The following UMODL1 variants were observed in gnomAD, a reference collection of about 807,000 sequenced individuals.
UMODL1 encodes the protein uromodulin-like 1.
A neutral mutation model predicts 136.3 loss-of-function variants in UMODL1; 128 were observed. The observed-to-expected ratio is 0.94, with a 90% confidence interval of 0.81 to 1.09. The LOEUF (loss-of-function observed/expected upper bound fraction) is 1.09, where lower values mean the gene tolerates loss of function less well. Among genes scored for constraint, UMODL1 ranks in the 50% least tolerant of loss-of-function variants. The pLI, the probability that UMODL1 is intolerant of heterozygous loss-of-function variation, is 0.00. For missense variants in UMODL1, 1,766 were observed against 1,725.6 expected (o/e 1.02, Z -0.41); for synonymous variants, 721 against 720.0 (o/e 1.00, Z -0.02).
chr21:42,093,756 G>A (rs1306402583), intron 6 of UMODL1: 1 of 390,318 alleles, frequency 2.6e-6, no homozygotes, highest in Non-Finnish European at 5.2e-6. Context: ...ACGTTTCCTG[G>A]ATCAATCACG....
chr21:42,130,214 A>G (rs1012597894), intron 21 of UMODL1, among the ~76,000 whole-genome samples: 1 of 133,692 alleles, frequency 7.5e-6, no homozygotes, highest in Admixed American at 7.6e-5. Flanking sequence ...TAATCAGGCC[A>G]TGTCAACGTG....
At chr21:42,139,150 T>G (rs1208818424) in intron 22 of UMODL1, among the ~76,000 whole-genome samples, 2 of 152,130 alleles carry the variant, frequency 1.3e-5, no homozygotes, top group Non-Finnish European at 2.9e-5. Flanking sequence ...AGGGGAACCC[T>G]GCCTCAAAAA....
chr21:42,075,483 A>T (rs1208218169), intron 1 of UMODL1, among the ~76,000 whole-genome samples: 1 of 152,220 alleles, frequency 6.6e-6, no homozygotes, highest in Non-Finnish European at 1.5e-5. Flanking sequence ...CGTCATTGTC[A>T]TGTCCTGGCC....
At chr21:42,087,072 C>T (rs755765853) in intron 4 of UMODL1, among the ~76,000 whole-genome samples, 2 of 152,226 alleles carry the variant, frequency 1.3e-5, no homozygotes, top group African/African-American at 2.4e-5. Flanking sequence ...TCCTGAGCTT[C>T]CTGATGCGTG....
intron 22 of UMODL1, among the ~76,000 whole-genome samples, chr21:42,138,773 C>T (rs2067242118): frequency 6.6e-6 from 1 of 152,152 alleles, no homozygotes; most frequent in Non-Finnish European, 1.5e-5. Context: ...CAGGGTTTCT[C>T]CATGTTGGTC....
chr21:42,105,719 G>A (rs1192680221), intron 9 of UMODL1, among the ~76,000 whole-genome samples: 1 of 152,202 alleles, frequency 6.6e-6, no homozygotes, highest in Admixed American at 6.5e-5. Flanking sequence ...CACTGGAAGA[G>A]GCCTGGGAAA....
intron 3 of UMODL1, among the ~76,000 whole-genome samples, chr21:42,084,874 AT>A (rs1258847785): frequency 6.6e-6 from 1 of 151,362 alleles, no homozygotes; most frequent in Non-Finnish European, 1.5e-5. Context: ...TATATAGTAT[AT>A]ATCATATTAC....
chr21:42,109,733 AC>A, intron 10 of UMODL1, 34 bp downstream of exon 10: 1 of 1,590,932 alleles, frequency 6.3e-7, no homozygotes, highest in South Asian at 1.1e-5. Context: ...CTCTGGGAAG[AC>A]CCCCTGCCCG....
intron 12 of UMODL1, among the ~76,000 whole-genome samples, chr21:42,112,783 GT>G (rs1454091635): frequency 6.9e-6 from 1 of 145,936 alleles, no homozygotes; most frequent in Non-Finnish European, 1.5e-5. Flanking sequence ...ACCCCCAGTT[GT>G]TTTTTTACCC....
chr21:42,109,451 C>T (rs978233573), intron 9 of UMODL1, 111 bp from the exon 10 acceptor site: 109 of 1,486,210 alleles, frequency 7.3e-5, no homozygotes, highest in Middle Eastern at 1.8e-4. Flanking sequence ...CCCCTGCTCC[C>T]GGCCGTTCAC....
rs1028529493 is a variant in UMODL1 at position 42,088,239 on chromosome 21, G to A, written c.604-55G>A. 127 of 1,576,526 alleles carry A rather than the reference G, an allele frequency of 8.1e-5. No individual in the cohort carries two copies. The East Asian group carries it at 1.8e-3, about 23-fold the overall frequency. On this transcript the variant is annotated intron_variant, in intron 4 of 22. Transcript: ENST00000408910. ...CAGCTCTGCGGGCCTCAGTCTCCTCGTCTGTCTGACGGGGTGTCCTTCTGC... is the reference window on the plus strand; with the variant it reads ...CAGCTCTGCGGGCCTCAGTCTCCTCATCTGTCTGACGGGGTGTCCTTCTGC...
intron 9 of UMODL1, among the ~76,000 whole-genome samples, chr21:42,104,575 C>T (rs1363542995): frequency 3.3e-5 from 5 of 152,026 alleles, no homozygotes; most frequent in African/African-American, 1.2e-4. Flanking sequence ...TCAGCTTCTC[C>T]AGTAGCTGGG....
chr21:42,113,982 C>T lies in UMODL1; in HGVS notation c.2362+152C>T, dbSNP rs377189179. 7.2e-5 allele frequency: 80 copies of T among 1,106,950 alleles called. 4 individuals carry two copies. Among genetic ancestry groups the T allele is most frequent in the East Asian group, 2.6e-4 (10 of 38,476 alleles). The allele number at this position is 1,106,950 out of a possible 1,614,324, so 68.6% of individuals were successfully genotyped here. ...GGGACATCCGGCTGGCTTCAGCAGG[C>T]GTGCAATGACGGCCAGACAGGAGGT... is the stretch of plus-strand genomic sequence containing the variant. On this transcript the variant is annotated intron_variant, in intron 13 of 22. Transcript: ENST00000408910.
chr21:42,129,859 C>A, intron 21 of UMODL1, 62 bp downstream of exon 21: 4 of 1,279,280 alleles, frequency 3.1e-6, no homozygotes, highest in Non-Finnish European at 4.3e-6. Flanking sequence ...TTTTCACCAG[C>A]ATGTAAATAA....
chr21:42,101,276 C>T (rs565896707), intron 7 of UMODL1, among the ~76,000 whole-genome samples: 12 of 152,078 alleles, frequency 7.9e-5, no homozygotes, highest in Non-Finnish European at 1.6e-4. Flanking sequence ...CGCCAGTCCA[C>T]GGGGCTCTGC....
intron 13 of UMODL1, among the ~76,000 whole-genome samples, chr21:42,115,112 C>G (rs2066886192): frequency 6.6e-6 from 1 of 152,250 alleles, no homozygotes; most frequent in South Asian, 2.1e-4. Flanking sequence ...TCTAAGCCCC[C>G]TGAGGGGAGA....
At chr21:42,100,141 C>T (rs2066608869) in intron 7 of UMODL1, among the ~76,000 whole-genome samples, 1 of 152,128 alleles carries the variant, frequency 6.6e-6, no homozygotes, top group Non-Finnish European at 1.5e-5. Context: ...GCATCTGTGG[C>T]TGTGGGGTGT....
At chr21:42,101,266 C>T (rs893797571) in intron 7 of UMODL1, among the ~76,000 whole-genome samples, 3 of 152,030 alleles carry the variant, frequency 2.0e-5, no homozygotes, top group East Asian at 1.9e-4. Context: ...TGGAGGAGGC[C>T]GCCAGTCCAC....
At chr21:42,093,137 A>C (rs1465056255) in intron 6 of UMODL1, among the ~76,000 whole-genome samples, 1 of 152,258 alleles carries the variant, frequency 6.6e-6, no homozygotes, top group Non-Finnish European at 1.5e-5. Flanking sequence ...GAGTTGAATT[A>C]TTTTATTTGG....
Sources: gnomAD v4.1 joint callset for allele counts (sites outside exome capture counted in the v4.1 genomes callset) on GRCh38, gnomAD v4.1.1 for gene constraint, MANE v1.5 for transcripts, NCBI Gene and HGNC (gene_info 2026-07-23, HGNC 2026-07-21) for gene names.